Variants in BBX observed in about 807,000 individuals in gnomAD.
The protein encoded by BBX is HMG box transcription factor BBX.
A neutral mutation model predicts 100.2 loss-of-function variants in BBX; 30 were observed. That is an observed-to-expected ratio of 0.30 (90% CI 0.22 to 0.41). The LOEUF (loss-of-function observed/expected upper bound fraction) is 0.41. Ranked by LOEUF, BBX falls within the 10% of genes least tolerant of loss-of-function variation. The pLI, the probability that BBX is intolerant of heterozygous loss-of-function variation, is 1.00. For missense variants in BBX, 1,023 were observed against 1,129.8 expected, an observed-to-expected ratio of 0.91 and a Z score of 1.35; for synonymous variants, 376 against 388.1, an observed-to-expected ratio of 0.97 and a Z score of 0.37.
intron 3 of BBX, among the ~76,000 whole-genome samples, chr3:107,708,070 GAAAC>G (rs2061490715): frequency 6.6e-6 from 1 of 152,128 alleles, no homozygotes; most frequent in South Asian, 2.1e-4. Context: ...CTATGTCACA[GAAAC>G]AACCATTTCC....
intron 2 of BBX, among the ~76,000 whole-genome samples, chr3:107,615,875 A>G (rs973245104): frequency 6.6e-6 from 1 of 152,176 alleles, no homozygotes; most frequent in African/African-American, 2.4e-5. Flanking sequence ...TTCAGAATGA[A>G]TAAGACCAGA....
chr3:107,785,889 T>C (rs1199993546), intron 13 of BBX, among the ~76,000 whole-genome samples: 2 of 152,060 alleles, frequency 1.3e-5, no homozygotes, highest in Non-Finnish European at 2.9e-5. Context: ...GGTAAAATTA[T>C]ATTTATTCTC....
chr3:107,633,566 G>C (rs1214575267), intron 2 of BBX, among the ~76,000 whole-genome samples: 1 of 152,176 alleles, frequency 6.6e-6, no homozygotes, highest in East Asian at 1.9e-4. Flanking sequence ...ATGGTTTCCA[G>C]CTCTCATTTC....
intron 11 of BBX, among the ~76,000 whole-genome samples, chr3:107,774,297 C>T (rs1339742219): frequency 6.6e-6 from 1 of 152,104 alleles, no homozygotes; most frequent in African/African-American, 2.4e-5. Context: ...TCCAACAAGA[C>T]ATGTGTGAGT....
At chr3:107,792,046 C>A (rs944224247) in intron 15 of BBX, among the ~76,000 whole-genome samples, 1 of 152,286 alleles carries the variant, frequency 6.6e-6, no homozygotes, top group Non-Finnish European at 1.5e-5. Context: ...CCAATATTAA[C>A]TAGTCATGTT....
At chr3:107,605,113 A>G (rs866194927) in intron 2 of BBX, among the ~76,000 whole-genome samples, 8 of 152,344 alleles carry the variant, frequency 5.3e-5, no homozygotes, top group Admixed American at 4.6e-4. Context: ...ACCTATTGGC[A>G]TAACACCTTT....
chr3:107,791,374 G>T (rs548770316), intron 15 of BBX, 75 bp downstream of exon 15: 2 of 1,297,830 alleles, frequency 1.5e-6, no homozygotes, highest in South Asian at 2.5e-5. Flanking sequence ...TTTTTAAAAG[G>T]TATAATTTAT....
At position 107,686,928 on chromosome 3, in the gene BBX, A is replaced by C. The variant is rs189949993; in HGVS notation, c.-9-23524A>C. Among the ~76,000 whole-genome samples the C allele has an allele frequency of 2.1e-3, 322 of 152,238 alleles. 1 individual carries two copies. Among genetic ancestry groups the C allele is most frequent in the African/African-American group, 7.5e-3 (312 of 41,530 alleles). ...TGAAAGTTTAACATCTCCATAATAAATTATGCACTGAATTGTGTCTAAAAT... is the reference window on the plus strand; with the variant it reads ...TGAAAGTTTAACATCTCCATAATAACTTATGCACTGAATTGTGTCTAAAAT... On this transcript the variant is annotated intron_variant, in intron 3 of 17. Coordinates refer to ENST00000325805, the MANE Select transcript of BBX (RefSeq NM_001142568.3).
chr3:107,695,551 G>T (rs1288268616), intron 3 of BBX, among the ~76,000 whole-genome samples: 2 of 149,388 alleles, frequency 1.3e-5, no homozygotes, highest in East Asian at 3.9e-4. Flanking sequence ...TTGCACTGTG[G>T]TCTGAGAGAG....
intron 1 of BBX, 139 bp downstream of exon 1, chr3:107,523,246 G>A: frequency 8.9e-6 from 2 of 224,516 alleles, no homozygotes; most frequent in Non-Finnish European, 1.8e-5. Flanking sequence ...GGCGGCGGCG[G>A]CAGCCGGTAG....
At chr3:107,590,054 G>A (rs978939539) in intron 2 of BBX, among the ~76,000 whole-genome samples, 2 of 151,796 alleles carry the variant, frequency 1.3e-5, no homozygotes, top group African/African-American at 4.8e-5. Flanking sequence ...TACTTTTACA[G>A]TTTCAAATAT....
At chr3:107,556,592 A>T (rs2107455054) in intron 2 of BBX, among the ~76,000 whole-genome samples, 1 of 152,268 alleles carries the variant, frequency 6.6e-6, no homozygotes, top group South Asian at 2.1e-4. Flanking sequence ...TTTATTTTTT[A>T]TGAAGAGATT....
chr3:107,562,447 T>C (rs1474292234), intron 2 of BBX, among the ~76,000 whole-genome samples: 1 of 152,224 alleles, frequency 6.6e-6, no homozygotes, highest in Non-Finnish European at 1.5e-5. Flanking sequence ...TTTTTTTTAA[T>C]ATATTGGTAA....
intron 12 of BBX, among the ~76,000 whole-genome samples, 172 bp from the exon 13 acceptor site, chr3:107,778,199 G>A (rs556966317): frequency 6.6e-6 from 1 of 152,184 alleles, no homozygotes; most frequent in Non-Finnish European, 1.5e-5. Context: ...AGAAAACTGT[G>A]TTGGTAAATC....
chr3:107,731,649 T>C (rs2107523422), intron 6 of BBX, among the ~76,000 whole-genome samples: 1 of 152,276 alleles, frequency 6.6e-6, no homozygotes, highest in South Asian at 2.1e-4. Flanking sequence ...TAGTTTTTCC[T>C]CTAATAACCT....
chr3:107,652,719 G>C (rs1263999277), intron 3 of BBX, among the ~76,000 whole-genome samples: 1 of 152,114 alleles, frequency 6.6e-6, no homozygotes, highest in Non-Finnish European at 1.5e-5. Flanking sequence ...CTCTATTATA[G>C]AGAAGTGTGT....
chr3:107,654,851 A>C (rs1161871097), intron 3 of BBX, among the ~76,000 whole-genome samples: 1 of 152,178 alleles, frequency 6.6e-6, no homozygotes, highest in Non-Finnish European at 1.5e-5. Context: ...CCTGCCATGT[A>C]AAGTTGTTAG....
intron 2 of BBX, chr3:107,599,482 G>T (rs1200029896): frequency 6.6e-6 from 1 of 152,148 alleles, no homozygotes; most frequent in African/African-American, 2.4e-5. Context: ...TAAAAAAAAA[G>T]TGGGGGCAGG....
chr3:107,626,775 C>T (rs1049595735), intron 2 of BBX, among the ~76,000 whole-genome samples: 5 of 151,866 alleles, frequency 3.3e-5, no homozygotes, highest in Non-Finnish European at 7.4e-5. Flanking sequence ...CTGCCTCAGC[C>T]TCCCGAGTAA....
Sources: allele counts gnomAD v4.1 joint callset (sites outside exome capture counted in the v4.1 genomes callset), GRCh38; gene constraint gnomAD v4.1.1; transcripts MANE v1.5; gene names NCBI Gene and HGNC (gene_info 2026-07-23, HGNC 2026-07-21).